Variants in COL5A2 observed in about 807,000 individuals in gnomAD.
COL5A2 encodes the protein collagen type V alpha 2 chain, also known as collagen alpha-2(V) chain.
COL5A2 carries 23 observed loss-of-function variants against 208.2 expected under a neutral mutation model. The observed-to-expected ratio is 0.11, with a 90% CI of 0.08 to 0.16. The LOEUF (loss-of-function observed/expected upper bound fraction) is 0.16. COL5A2 is among the 10% of genes least tolerant of loss of function. COL5A2 has a pLI of 1.00. For synonymous variants in COL5A2, 625 were observed against 628.5 expected (o/e 0.99, Z 0.08); for missense variants, 1,590 against 1,956.4 (o/e 0.81, Z 3.53).
the COL5A2 span, among the ~76,000 whole-genome samples, chr2:189,309,119 G>A: frequency 6.6e-6 from 1 of 152,110 alleles, no homozygotes; most frequent in Non-Finnish European, 1.5e-5. Flanking sequence ...GGCATGAGAG[G>A]GTCTCTCCCC....
At chr2:189,126,346 A>G (rs1286695508) in intron 1 of COL5A2, among the ~76,000 whole-genome samples, 1 of 152,090 alleles carries the variant, frequency 6.6e-6, no homozygotes, top group Non-Finnish European at 1.5e-5. Flanking sequence ...GATTAAACCC[A>G]AAGTAATATT....
the COL5A2 span, among the ~76,000 whole-genome samples, chr2:189,379,599 T>C: frequency 0.027 from 4,166 of 152,314 alleles, 90 homozygotes; most frequent in Non-Finnish European, 0.045. Context: ...GAGTGTTTTG[T>C]ATGTCCTTTA....
intron 1 of COL5A2, among the ~76,000 whole-genome samples, chr2:189,138,688 C>T (rs1687873293): frequency 1.3e-5 from 2 of 151,962 alleles, no homozygotes; most frequent in Admixed American, 1.3e-4. Flanking sequence ...GAACCTAGAA[C>T]ATCTTATAGT....
intron 1 of COL5A2, among the ~76,000 whole-genome samples, chr2:189,146,887 A>C (rs1688050192): frequency 6.6e-6 from 1 of 152,164 alleles, no homozygotes; most frequent in Non-Finnish European, 1.5e-5. Flanking sequence ...AAGCCTCTAA[A>C]ATTTGACACA....
At chr2:189,409,072 C>A in the COL5A2 span, among the ~76,000 whole-genome samples, 2 of 152,074 alleles carry the variant, frequency 1.3e-5, no homozygotes, top group Non-Finnish European at 2.9e-5. Context: ...GATATACTTT[C>A]TTCTCTTGTC....
chr2:189,266,944 AT>A, the COL5A2 span, among the ~76,000 whole-genome samples: 1 of 151,610 alleles, frequency 6.6e-6, no homozygotes, highest in Non-Finnish European at 1.5e-5. Flanking sequence ...CTCTAAAAAT[AT>A]TTGTTATATT....
the COL5A2 span, among the ~76,000 whole-genome samples, chr2:189,264,587 G>A: frequency 6.6e-6 from 1 of 152,040 alleles, no homozygotes; most frequent in Non-Finnish European, 1.5e-5. Flanking sequence ...TCAGAATGGT[G>A]GTTAACTCTA....
chr2:189,220,515 C>T (rs1424703276), intron 1 of COL5A2, among the ~76,000 whole-genome samples: 1 of 150,432 alleles, frequency 6.6e-6, no homozygotes, highest in African/African-American at 2.4e-5. Flanking sequence ...ATGGTTTGAA[C>T]ATGCCAATCA....
chr2:189,178,039 G>A (rs1016988741), intron 1 of COL5A2, among the ~76,000 whole-genome samples: 1 of 152,028 alleles, frequency 6.6e-6, no homozygotes, highest in Non-Finnish European at 1.5e-5. Context: ...TAATTTTTCT[G>A]TGTTTTTCTC....
chr2:189,221,306 T>C (rs1204343085), intron 1 of COL5A2, among the ~76,000 whole-genome samples: 1 of 152,166 alleles, frequency 6.6e-6, no homozygotes, highest in Non-Finnish European at 1.5e-5. Flanking sequence ...TTTGTTGCAG[T>C]CTAATGGTTA....
At chr2:189,156,898 G>A (rs559906257) in intron 1 of COL5A2, among the ~76,000 whole-genome samples, 1 of 152,016 alleles carries the variant, frequency 6.6e-6, no homozygotes, top group African/African-American at 2.4e-5. Flanking sequence ...GTGGAAATAT[G>A]GCTGAAGATT....
the COL5A2 span, among the ~76,000 whole-genome samples, chr2:189,407,610 G>C: frequency 2.0e-5 from 3 of 152,134 alleles, no homozygotes; most frequent in African/African-American, 7.2e-5. Context: ...CCCAGCAGCT[G>C]TGTATGATTA....
the COL5A2 span, among the ~76,000 whole-genome samples, chr2:189,369,187 A>G: frequency 6.6e-6 from 1 of 152,162 alleles, no homozygotes; most frequent in Non-Finnish European, 1.5e-5. Flanking sequence ...TTTAAGTTAG[A>G]GCATGTATCA....
At chr2:189,233,982 T>C in the COL5A2 span, among the ~76,000 whole-genome samples, 6 of 151,900 alleles carry the variant, frequency 3.9e-5, no homozygotes, top group African/African-American at 1.2e-4. Flanking sequence ...GATTGTTTTA[T>C]TTTTGCTTCT....
chr2:189,381,783 G>A, the COL5A2 span, among the ~76,000 whole-genome samples: 1 of 152,026 alleles, frequency 6.6e-6, no homozygotes, highest in African/African-American at 2.4e-5. Flanking sequence ...ACTTAAAGCT[G>A]TAAGCTGACA....
At chr2:189,266,237 C>G in the COL5A2 span, among the ~76,000 whole-genome samples, 1 of 151,992 alleles carries the variant, frequency 6.6e-6, no homozygotes, top group Non-Finnish European at 1.5e-5. Flanking sequence ...ACCAGCCTGA[C>G]CAACATGGTG....
At chr2:189,109,381 A>G (rs1173328173) in intron 2 of COL5A2, among the ~76,000 whole-genome samples, 1 of 152,162 alleles carries the variant, frequency 6.6e-6, no homozygotes, top group Non-Finnish European at 1.5e-5. Flanking sequence ...AGAAGCAGAG[A>G]AAAGGTAAGT....
the COL5A2 span, among the ~76,000 whole-genome samples, chr2:189,372,628 G>T: frequency 6.6e-6 from 1 of 152,082 alleles, no homozygotes; most frequent in African/African-American, 2.4e-5. Context: ...TAACATTTCT[G>T]CAAGTGGACT....
intron 2 of COL5A2, among the ~76,000 whole-genome samples, chr2:189,104,660 T>C (rs774874943): frequency 1.3e-5 from 2 of 151,854 alleles, no homozygotes; most frequent in Non-Finnish European, 3.0e-5. Context: ...GTATTAAAAG[T>C]ATACAATTAT....
Sources: gnomAD v4.1 joint callset for allele counts (sites outside exome capture counted in the v4.1 genomes callset) on GRCh38, gnomAD v4.1.1 for gene constraint, MANE v1.5 for transcripts, NCBI Gene and HGNC (gene_info 2026-07-23, HGNC 2026-07-21) for gene names.